The following TBC1D8 variants were observed in gnomAD, a reference collection of about 807,000 sequenced individuals.
TBC1D8 encodes the protein BUB2-like protein 1.
Under a neutral mutation model 118.8 loss-of-function variants are expected in TBC1D8, and 65 were observed. The ratio of observed to expected loss-of-function variants is 0.55; its 90% CI spans 0.45 to 0.67. The LOEUF (loss-of-function observed/expected upper bound fraction) is 0.67, where lower values mean the gene tolerates loss of function less well. Among genes scored for constraint, TBC1D8 ranks in the 30% least tolerant of loss-of-function variants. TBC1D8 has a pLI of 0.00. For synonymous variants in TBC1D8, 566 were observed against 595.8 expected, an observed-to-expected ratio of 0.95 and a Z score of 0.73; for missense variants, 1,376 against 1,471.2, an observed-to-expected ratio of 0.94 and a Z score of 1.06.
intron 5 of TBC1D8, among the ~76,000 whole-genome samples, chr2:101,049,644 T>C (rs1681926599): frequency 6.6e-6 from 1 of 151,566 alleles, no homozygotes; most frequent in Non-Finnish European, 1.5e-5. Context: ...AGGAGAATCG[T>C]TTGAACCTGA....
chr2:101,073,271 T>TTTTTATTTTA (rs1235843555), intron 2 of TBC1D8, among the ~76,000 whole-genome samples: 1 of 150,268 alleles, frequency 6.7e-6, no homozygotes, highest in Non-Finnish European at 1.5e-5. Context: ...TTTTTTTTAT[T>TTTTTATTTTA]TTTTATTTTA....
chr2:101,122,470 CT>C (rs936333211), intron 1 of TBC1D8, among the ~76,000 whole-genome samples: 1 of 129,818 alleles, frequency 7.7e-6, no homozygotes, highest in African/African-American at 2.8e-5. Context: ...ATGAGTTTTT[CT>C]TTTTCATTTA....
chr2:101,116,562 C>A (rs895706235), intron 1 of TBC1D8, among the ~76,000 whole-genome samples: 1 of 152,146 alleles, frequency 6.6e-6, no homozygotes, highest in African/African-American at 2.4e-5. Context: ...TCCTAATCCC[C>A]CATACCTCAG....
chr2:101,079,061 A>G (rs1218960198), intron 2 of TBC1D8, among the ~76,000 whole-genome samples: 1 of 152,204 alleles, frequency 6.6e-6, no homozygotes, highest in East Asian at 1.9e-4. Context: ...AAAACTGGCC[A>G]AGAAGGAGAG....
chr2:101,033,788 G>C, intron 9 of TBC1D8, 30 bp from the exon 10 acceptor site: 1 of 1,598,904 alleles, frequency 6.3e-7, no homozygotes, highest in South Asian at 1.1e-5. Flanking sequence ...TTTCAAGGGG[G>C]AATGATTACT....
At chr2:101,123,981 G>A (rs1257127328) in intron 1 of TBC1D8, among the ~76,000 whole-genome samples, 2 of 152,102 alleles carry the variant, frequency 1.3e-5, no homozygotes, top group Admixed American at 6.5e-5. Flanking sequence ...TTAAAACATC[G>A]GCCATGGACT....
intron 1 of TBC1D8, among the ~76,000 whole-genome samples, chr2:101,143,063 C>CTTTT (rs11454446): frequency 9.3e-5 from 13 of 140,024 alleles, no homozygotes; most frequent in Non-Finnish European, 1.1e-4. Flanking sequence ...CTTTCCTTTC[C>CTTTT]TTTTTTTTTT....
intron 13 of TBC1D8, 44 bp from the exon 14 acceptor site, chr2:101,028,190 C>A (rs778432595): frequency 1.2e-6 from 2 of 1,609,966 alleles, no homozygotes; most frequent in Non-Finnish European, 1.7e-6. Flanking sequence ...CCTGCTCATC[C>A]AAAGTGTGGA....
Position 101,127,641 on chromosome 2 carries a change from G to A in TBC1D8, c.127+23486C>T, listed in dbSNP as rs761226183. 3.3e-5 allele frequency among the ~76,000 whole-genome samples: 5 copies of A among 152,112 alleles called. No individual in the cohort carries two copies. The East Asian group carries it at 7.7e-4, about 23-fold the overall frequency. ...CAGACTCAAACTCTTGGGCTCAACC[G>A]ATCCTCCCACCTCAGCCTCCCAAAG... On this transcript the variant is annotated intron_variant, in intron 1 of 19. Transcript: ENST00000409318.
chr2:101,151,200 C>A lies in TBC1D8; in HGVS notation c.54G>T (p.Val18=). Residue 18 remains valine (V), a synonymous_variant, in exon 1 of 20, where the codon GTG becomes GTT. Coordinates refer to ENST00000409318, the MANE Select transcript of TBC1D8 (RefSeq NM_001330348.2). ...TGAAGTAGCAGCTGCTCTTCTGGGT[C>A]ACCCAGAGCTTCAGCGCGTTCTTCA... is the stretch of plus-strand genomic sequence containing the variant. The part of the protein sequence containing the change: ...VLLKNALKLW[V]TQKSSCYFIL... The A allele has an allele frequency of 7.9e-7, 1 of 1,261,982 alleles. No individual in the cohort carries two copies. The highest frequency in any genetic ancestry group is 1.0e-6 in the Non-Finnish European group (1 of 978,600). 78.2% of individuals were successfully genotyped at this position (1,261,982 alleles called of 1,614,324 possible).
intron 1 of TBC1D8, among the ~76,000 whole-genome samples, chr2:101,096,144 G>C (rs561067964): frequency 6.6e-6 from 1 of 151,982 alleles, no homozygotes; most frequent in Admixed American, 6.6e-5. Flanking sequence ...GGCTAGTCTC[G>C]AACTCCTAGG....
chr2:101,017,356 T>C (rs1679730482), intron 17 of TBC1D8, among the ~76,000 whole-genome samples: 1 of 152,230 alleles, frequency 6.6e-6, no homozygotes, highest in Non-Finnish European at 1.5e-5. Context: ...TTCATTATCA[T>C]TACCCAGTAT....
rs1380679215 is a variant in TBC1D8 at position 101,022,324 on chromosome 2, G to A, written c.2718C>T (p.Asn906=). 5 of 1,612,882 alleles carry A rather than the reference G, an allele frequency of 3.1e-6. No homozygotes were observed. The South Asian group carries it at 3.3e-5, about 11-fold the overall frequency. Residue 906 remains asparagine, a synonymous_variant, in exon 16 of 20, where the codon AAC becomes AAT. Coordinates refer to ENST00000409318, the MANE Select transcript of TBC1D8 (RefSeq NM_001330348.2). ...AERTFRLLDD[N]MDQLIEFKAF... is the part of the protein sequence containing the mutation. ...CTTTGAACTCGATGAGCTGGTCCATGTTGTCATCCAAGAGCCTGAACGTCC... is the reference window on the plus strand; with the variant it reads ...CTTTGAACTCGATGAGCTGGTCCATATTGTCATCCAAGAGCCTGAACGTCC...
At chr2:101,149,777 A>C (rs563606466) in intron 1 of TBC1D8, among the ~76,000 whole-genome samples, 8 of 152,296 alleles carry the variant, frequency 5.3e-5, no homozygotes, top group Admixed American at 5.2e-4. Flanking sequence ...ACGGGGCCCA[A>C]CAAGGCCACT....
chr2:101,134,621 T>C (rs1000237724), intron 1 of TBC1D8, among the ~76,000 whole-genome samples: 7 of 152,138 alleles, frequency 4.6e-5, no homozygotes, highest in Non-Finnish European at 7.3e-5. Flanking sequence ...GGGTAAGCTC[T>C]CTGGTGACTG....
At chr2:101,100,489 C>T (rs1455970359) in intron 1 of TBC1D8, among the ~76,000 whole-genome samples, 8 of 152,186 alleles carry the variant, frequency 5.3e-5, no homozygotes, top group Non-Finnish European at 1.2e-4. Flanking sequence ...CATTGACATT[C>T]TTCACAGAAT....
At chr2:101,025,903 A>G (rs1030854030) in intron 15 of TBC1D8, among the ~76,000 whole-genome samples, 1 of 152,216 alleles carries the variant, frequency 6.6e-6, no homozygotes, top group African/African-American at 2.4e-5. Context: ...AGAAAAGGAG[A>G]TATCACAGAC....
chr2:101,009,728 G>GA (rs986817597), intron 19 of TBC1D8, among the ~76,000 whole-genome samples: 8 of 149,398 alleles, frequency 5.4e-5, no homozygotes, highest in East Asian at 1.9e-4. Flanking sequence ...GTGGTCAAAA[G>GA]AAAAAAAAGA....
chr2:101,082,584 T>C (rs1189761222), intron 2 of TBC1D8, among the ~76,000 whole-genome samples: 3 of 152,224 alleles, frequency 2.0e-5, no homozygotes, highest in African/African-American at 4.8e-5. Context: ...TGGAATATCA[T>C]TCAGCTGTAA....
Sources: allele counts gnomAD v4.1 joint callset (sites outside exome capture counted in the v4.1 genomes callset), GRCh38; gene constraint gnomAD v4.1.1; transcripts MANE v1.5; gene names NCBI Gene and HGNC (gene_info 2026-07-23, HGNC 2026-07-21).